FOXJ3: variants seen among roughly 807,000 people sequenced by gnomAD.
FOXJ3 encodes the protein forkhead box J3.
A neutral mutation model predicts 76.1 loss-of-function variants in FOXJ3; 22 were observed. That is an observed-to-expected ratio of 0.29 (90% CI 0.21 to 0.41). FOXJ3 has a LOEUF of 0.41. Among genes scored for constraint, FOXJ3 ranks in the 10% least tolerant of loss-of-function variants. The pLI, the probability that FOXJ3 is intolerant of heterozygous loss-of-function variation, is 1.00. For synonymous variants in FOXJ3, 269 were observed against 261.2 expected, an observed-to-expected ratio of 1.03 and a Z score of -0.29; for missense variants, 613 against 762.1, an observed-to-expected ratio of 0.80 and a Z score of 2.30.
intron 5 of FOXJ3, among the ~76,000 whole-genome samples, chr1:42,212,044 A>C (rs796308232): frequency 1.3e-5 from 2 of 152,342 alleles, no homozygotes; most frequent in African/African-American, 4.8e-5. Context: ...ATTTGAGGTC[A>C]GGAGTTCGAG....
intron 2 of FOXJ3, among the ~76,000 whole-genome samples, chr1:42,295,839 T>TA (rs1157815073): frequency 6.6e-6 from 1 of 152,128 alleles, no homozygotes; most frequent in Non-Finnish European, 1.5e-5. Context: ...GTGTCTTTTG[T>TA]ATATAGTGAT....
At chr1:42,217,217 T>C (rs924457848) in intron 5 of FOXJ3, among the ~76,000 whole-genome samples, 1 of 151,954 alleles carries the variant, frequency 6.6e-6, no homozygotes, top group African/African-American at 2.4e-5. Context: ...CTACAAGCAA[T>C]TGGAAAATGG....
intron 1 of FOXJ3, among the ~76,000 whole-genome samples, chr1:42,330,342 G>T (rs904539982): frequency 6.6e-6 from 1 of 152,128 alleles, no homozygotes; most frequent in East Asian, 1.9e-4. Flanking sequence ...TTTAAGTCCG[G>T]AAGAAAATCA....
At chr1:42,335,323 C>T (rs890265432), upstream of FOXJ3, 4 of 152,314 alleles carry the variant, frequency 2.6e-5, no homozygotes, top group African/African-American at 7.2e-5. Context: ...GGCGTCAAGT[C>T]CCTGCGCGGT....
At chr1:42,184,393 C>T (rs950513808) in intron 11 of FOXJ3, among the ~76,000 whole-genome samples, 1 of 152,138 alleles carries the variant, frequency 6.6e-6, no homozygotes, top group African/African-American at 2.4e-5. Flanking sequence ...CAAACATCTA[C>T]ATAAAAGTCT....
At chr1:42,213,158 A>G (rs1396700874) in intron 5 of FOXJ3, among the ~76,000 whole-genome samples, 2 of 152,138 alleles carry the variant, frequency 1.3e-5, no homozygotes, top group African/African-American at 2.4e-5. Context: ...TTGTGAAACA[A>G]TAACACAAGG....
intron 2 of FOXJ3, among the ~76,000 whole-genome samples, chr1:42,300,044 T>C (rs921048228): frequency 1.3e-5 from 2 of 148,204 alleles, no homozygotes; most frequent in African/African-American, 5.0e-5. Context: ...CTACTAAAAA[T>C]GTAAAATTAG....
At position 42,216,403 on chromosome 1, in the gene FOXJ3, A is replaced by G. The variant is rs544244468; in HGVS notation, c.529-10540T>C. ...CGTGGTAGCGGGCGCCTGTAGTCCC[A>G]GCTACTCGGGAGGCTGAGGCAGGAG... is the stretch of plus-strand genomic sequence containing the variant. On this transcript the variant is annotated intron_variant, in intron 5 of 12. Coordinates refer to ENST00000361346, the MANE Select transcript of FOXJ3 (RefSeq NM_014947.5). 2.0e-5 allele frequency among the ~76,000 whole-genome samples: 3 copies of G among 151,908 alleles called. No individual in the cohort carries two copies. The South Asian group carries it at 6.2e-4, about 32-fold the overall frequency.
intron 7 of FOXJ3, 76 bp downstream of exon 7, chr1:42,199,026 G>A: frequency 2.6e-6 from 3 of 1,168,204 alleles, no homozygotes; most frequent in Non-Finnish European, 3.7e-6. Flanking sequence ...TTTTAAATTT[G>A]CATTTCAATT....
At chr1:42,234,343 G>A (rs754659096) in intron 4 of FOXJ3, among the ~76,000 whole-genome samples, 16 of 151,956 alleles carry the variant, frequency 1.1e-4, no homozygotes, top group Admixed American at 3.9e-4. Flanking sequence ...CCATGGGTTC[G>A]AGCTTCCTCC....
upstream of FOXJ3, chr1:42,335,403 G>C (rs1396400385): frequency 6.6e-6 from 1 of 152,292 alleles, no homozygotes; most frequent in African/African-American, 2.4e-5. Flanking sequence ...CCGAGGCTCT[G>C]CATCGGCGCA....
At chr1:42,266,307 A>G (rs1651460195) in intron 3 of FOXJ3, among the ~76,000 whole-genome samples, 1 of 152,148 alleles carries the variant, frequency 6.6e-6, no homozygotes, top group African/African-American at 2.4e-5. Flanking sequence ...TGGGATGTAA[A>G]CAGCTACAAA....
At chr1:42,280,315 A>G in intron 2 of FOXJ3, 13 of 983,512 alleles carry the variant, frequency 1.3e-5, no homozygotes, top group Non-Finnish European at 1.6e-5. Context: ...AGTCCTCTTG[A>G]TTTTCAGGTA....
chr1:42,189,133 G>A, intron 10 of FOXJ3, 170 bp downstream of exon 10: 2 of 622,124 alleles, frequency 3.2e-6, no homozygotes, highest in South Asian at 2.3e-5. Context: ...TTCAGAACTT[G>A]TCTGTGACCC....
intron 1 of FOXJ3, among the ~76,000 whole-genome samples, chr1:42,314,311 C>T (rs887456278): frequency 3.3e-5 from 5 of 152,132 alleles, no homozygotes; most frequent in East Asian, 3.9e-4. Context: ...AGGGCAATGG[C>T]GCCAACTCGG....
intron 4 of FOXJ3, among the ~76,000 whole-genome samples, chr1:42,240,872 T>G (rs969023929): frequency 1.3e-5 from 2 of 152,234 alleles, no homozygotes; most frequent in East Asian, 3.8e-4. Context: ...AATTGCAAAC[T>G]TGTTTTGTCA....
intron 1 of FOXJ3, among the ~76,000 whole-genome samples, chr1:42,314,360 C>T (rs1654984229): frequency 6.6e-6 from 1 of 152,198 alleles, no homozygotes; most frequent in South Asian, 2.1e-4. Flanking sequence ...AACCAATTCT[C>T]CTGTCTCAGC....
intron 2 of FOXJ3, among the ~76,000 whole-genome samples, chr1:42,304,796 A>C (rs1654359185): frequency 6.6e-6 from 1 of 152,190 alleles, no homozygotes; most frequent in Non-Finnish European, 1.5e-5. Context: ...CTACTAAAAG[A>C]AAACATTGGG....
At chr1:42,228,843 C>T (rs1282890608) in intron 4 of FOXJ3, among the ~76,000 whole-genome samples, 1 of 152,080 alleles carries the variant, frequency 6.6e-6, no homozygotes, top group East Asian at 1.9e-4. Context: ...ATATGCATTT[C>T]AGAAACAGAA....
Sources: allele counts gnomAD v4.1 joint callset (sites outside exome capture counted in the v4.1 genomes callset), GRCh38; gene constraint gnomAD v4.1.1; transcripts MANE v1.5; gene names NCBI Gene and HGNC (gene_info 2026-07-23, HGNC 2026-07-21).